Variants in TMEM233 observed in about 807,000 individuals in gnomAD.
TMEM233 encodes the protein dispanin subfamily B member 2.
In TMEM233, 6 loss-of-function variants were observed where a neutral mutation model predicts 11.2. The observed-to-expected ratio is 0.54, with a 90% CI of 0.29 to 1.06. TMEM233 has a LOEUF of 1.06. Among genes scored for constraint, TMEM233 ranks in the 50% least tolerant of loss-of-function variants. The probability of loss-of-function intolerance (pLI) is 0.08; values close to 1 mark genes in which losing one functional copy is unlikely to be tolerated. For missense variants in TMEM233, 127 were observed against 144.7 expected (o/e 0.88, Z 0.63); for synonymous variants, 59 against 55.8 (o/e 1.06, Z -0.26).
intron 2 of TMEM233, chr12:119,631,370 A>T (rs1318255925): frequency 3.0e-6 from 1 of 337,890 alleles, no homozygotes; most frequent in Non-Finnish European, 4.2e-6. Flanking sequence ...AGCAGATGTC[A>T]TGGTAGATCC....
chr12:119,616,641 C>T (rs1954541354), intron 1 of TMEM233, among the ~76,000 whole-genome samples: 1 of 152,132 alleles, frequency 6.6e-6, no homozygotes, highest in Non-Finnish European at 1.5e-5. Context: ...TGATTGTAGT[C>T]ATGGTTATTA....
intron 1 of TMEM233, among the ~76,000 whole-genome samples, chr12:119,605,608 T>C (rs535670255): frequency 1.6e-4 from 25 of 151,938 alleles, no homozygotes; most frequent in African/African-American, 5.6e-4. Flanking sequence ...TTTTTTGTAT[T>C]TATTGTATAG....
intron 2 of TMEM233, chr12:119,634,409 AC>A: frequency 3.5e-6 from 1 of 285,536 alleles, no homozygotes; most frequent in Non-Finnish European, 5.3e-6. Context: ...GGAGTTTAGG[AC>A]CAGCCTGGGC....
At chr12:119,647,442 T>C (rs1478455406), downstream of TMEM233, among the ~76,000 whole-genome samples, 2 of 152,166 alleles carry the variant, frequency 1.3e-5, no homozygotes, top group Non-Finnish European at 2.9e-5. Context: ...TCCACAACTT[T>C]GTTTATTCTT....
intron 1 of TMEM233, among the ~76,000 whole-genome samples, chr12:119,622,229 G>A (rs1017265783): frequency 6.6e-6 from 1 of 152,152 alleles, no homozygotes; most frequent in Non-Finnish European, 1.5e-5. Context: ...TATTATTCAT[G>A]CGGGGAAAAA....
intron 2 of TMEM233, among the ~76,000 whole-genome samples, chr12:119,630,158 C>G (rs1954849872): frequency 6.6e-6 from 1 of 152,230 alleles, no homozygotes; most frequent in Non-Finnish European, 1.5e-5. Flanking sequence ...CCCAACTACT[C>G]AACTCAGTCT....
In TMEM233 at chr12:119,595,675, T is replaced by G. The variant is rs1954030723; in HGVS notation, c.186+1641T>G. Among the ~76,000 whole-genome samples the G allele has an allele frequency of 1.3e-5, 2 of 152,196 alleles. No homozygotes were observed. The highest frequency in any genetic ancestry group is 1.3e-4 in the Admixed American group (2 of 15,292). ...ATGACATAAATAATTGTAAAGTGCTTAGAACAGTGACCAGCACGGTATCTT... is the reference window on the plus strand; with the variant it reads ...ATGACATAAATAATTGTAAAGTGCTGAGAACAGTGACCAGCACGGTATCTT... On this transcript the variant is annotated intron_variant, in intron 1 of 2. Transcript: ENST00000426426. This position sits in a 1 kb window ranked among gnomAD's most constrained non-coding sequence, Gnocchi z 4.3.
chr12:119,646,038 G>C (rs1955147282), downstream of TMEM233, among the ~76,000 whole-genome samples: 1 of 149,040 alleles, frequency 6.7e-6, no homozygotes. Flanking sequence ...CATTACCAAA[G>C]CTCATCTAAA....
intron 2 of TMEM233, among the ~76,000 whole-genome samples, chr12:119,630,865 C>T (rs879938764): frequency 2.6e-5 from 4 of 152,222 alleles, no homozygotes; most frequent in African/African-American, 4.8e-5. Flanking sequence ...ATCAAACTAG[C>T]ATAACTGTTT....
intron 2 of TMEM233, among the ~76,000 whole-genome samples, chr12:119,633,176 G>A (rs1954918149): frequency 6.6e-6 from 1 of 151,984 alleles, no homozygotes; most frequent in South Asian, 2.1e-4. Context: ...AGGCTATCTG[G>A]GCAAATTATT....
At chr12:119,616,129 A>G (rs1226240100) in intron 1 of TMEM233, among the ~76,000 whole-genome samples, 3 of 152,210 alleles carry the variant, frequency 2.0e-5, no homozygotes, top group African/African-American at 7.2e-5. Flanking sequence ...TCACTCTTCT[A>G]TCAAAGTGTG....
intron 1 of TMEM233, among the ~76,000 whole-genome samples, chr12:119,624,991 A>G (rs1217510705): frequency 1.3e-5 from 2 of 152,146 alleles, no homozygotes; most frequent in Admixed American, 1.3e-4. Flanking sequence ...CCCAAGCTGG[A>G]GAACTCCAGA....
At position 119,616,552 on chromosome 12, in the gene TMEM233, A is replaced by G. The variant is rs561413726; in HGVS notation, c.187-13184A>G. Among the ~76,000 whole-genome samples, 13 of 152,324 alleles carry G rather than the reference A, an allele frequency of 8.5e-5. No individual in the cohort carries two copies. The South Asian group carries it at 1.0e-3, about 12-fold the overall frequency. On this transcript the variant is annotated intron_variant, in intron 1 of 2. Transcript: ENST00000426426. The stretch of plus-strand genomic sequence containing the variant: ...ACACCACAAATATAAGTGAACAGAC[A>G]ATGGACGTGGAGGAAAGGTGCGACT...
intron 1 of TMEM233, among the ~76,000 whole-genome samples, chr12:119,619,383 A>G (rs1954599278): frequency 6.6e-6 from 1 of 152,228 alleles, no homozygotes; most frequent in Non-Finnish European, 1.5e-5. Context: ...GCTCATGTCT[A>G]TAATACCAAC....
intron 2 of TMEM233, among the ~76,000 whole-genome samples, chr12:119,635,400 G>A (rs1226313585): frequency 6.6e-6 from 1 of 152,116 alleles, no homozygotes; most frequent in Non-Finnish European, 1.5e-5. Flanking sequence ...ACTATCCTAG[G>A]GCTTGCATTT....
chr12:119,594,391 A>C lies in TMEM233; in HGVS notation c.186+357A>C. The C allele has an allele frequency of 1.4e-5, 3 of 215,422 alleles. No individual in the cohort carries two copies. Among genetic ancestry groups the C allele is most frequent in the South Asian group, 2.0e-4 (2 of 10,118 alleles). The allele number at this position is 215,422 out of a possible 1,614,324, so 13.3% of individuals were successfully genotyped here. On this transcript the variant is annotated intron_variant, in intron 1 of 2. Coordinates refer to ENST00000426426, the MANE Select transcript of TMEM233 (RefSeq NM_001136534.3). This position sits in a 1 kb window ranked among gnomAD's most constrained non-coding sequence, Gnocchi z 5.6. ...CTAGGCACTTGCCCGGGGCTTCTCAACCCTCTTTTCTAGAGCCCCAGTGCG... is the reference window on the plus strand; with the variant it reads ...CTAGGCACTTGCCCGGGGCTTCTCACCCCTCTTTTCTAGAGCCCCAGTGCG...
intron 1 of TMEM233, among the ~76,000 whole-genome samples, chr12:119,596,702 A>G (rs1332463359): frequency 6.6e-6 from 1 of 152,000 alleles, no homozygotes; most frequent in Non-Finnish European, 1.5e-5. Context: ...CATGTTGCCC[A>G]GGCTGATCTC....
chr12:119,639,250 C>T lies in TMEM233; in HGVS notation c.324-1449C>T, dbSNP rs79097302. ...ATTATATATCTATGTCTGTTTCCCC[C>T]CTACTGGCATGAGAACTCCAGGGAC... On this transcript the variant is annotated intron_variant, in intron 2 of 2. Coordinates refer to ENST00000426426, the MANE Select transcript of TMEM233 (RefSeq NM_001136534.3). Among the ~76,000 whole-genome samples, 112 of 152,162 alleles carry T rather than the reference C, an allele frequency of 7.4e-4. 1 individual carries two copies. The East Asian group carries it at 0.015, about 21-fold the overall frequency.
intron 1 of TMEM233, among the ~76,000 whole-genome samples, chr12:119,610,962 T>C (rs1034192529): frequency 6.6e-6 from 1 of 152,138 alleles, no homozygotes; most frequent in Non-Finnish European, 1.5e-5. Flanking sequence ...CTCTTTCACT[T>C]AGCATCCTGT....
Sources: allele counts gnomAD v4.1 joint callset (sites outside exome capture counted in the v4.1 genomes callset), GRCh38; gene constraint gnomAD v4.1.1; non-coding constraint Gnocchi (gnomAD v3.1); transcripts MANE v1.5; gene names NCBI Gene and HGNC (gene_info 2026-07-23, HGNC 2026-07-21).